KCNH1: variants seen among roughly 807,000 people sequenced by gnomAD.
KCNH1 encodes voltage-gated delayed rectifier potassium channel KCNH1.
In KCNH1, 27 loss-of-function variants were observed where a neutral mutation model predicts 69.2. The observed-to-expected ratio is 0.39, with a 90% CI of 0.29 to 0.54. The LOEUF (loss-of-function observed/expected upper bound fraction) is 0.54. Among genes scored for constraint, KCNH1 ranks in the 20% least tolerant of loss-of-function variants. The pLI, the probability that KCNH1 is intolerant of heterozygous loss-of-function variation, is 0.68. For missense variants in KCNH1, 798 were observed against 1,261.6 expected (o/e 0.63, Z 5.57); for synonymous variants, 456 against 487.7 (o/e 0.93, Z 0.86).
At chr1:210,963,952 A>T (rs1463311903) in intron 6 of KCNH1, among the ~76,000 whole-genome samples, 3 of 152,162 alleles carry the variant, frequency 2.0e-5, no homozygotes, top group Non-Finnish European at 4.4e-5. Flanking sequence ...CACCACAAAG[A>T]TAATCCTTGA....
chr1:211,002,132 G>C (rs1689194694), intron 6 of KCNH1, among the ~76,000 whole-genome samples: 1 of 151,912 alleles, frequency 6.6e-6, no homozygotes. Context: ...TGCACGTTGT[G>C]CACATGTACA....
intron 7 of KCNH1, among the ~76,000 whole-genome samples, chr1:210,906,172 C>T (rs1687098003): frequency 1.3e-5 from 2 of 152,328 alleles, no homozygotes; most frequent in South Asian, 4.1e-4. Context: ...TCATGTGAGT[C>T]TTCTCCCTGC....
chr1:210,949,161 T>C (rs556426742), intron 6 of KCNH1, among the ~76,000 whole-genome samples: 21 of 152,294 alleles, frequency 1.4e-4, no homozygotes, highest in Admixed American at 3.9e-4. Context: ...AAAGATACCA[T>C]GAACTCCCCA....
intron 6 of KCNH1, among the ~76,000 whole-genome samples, chr1:211,006,657 A>ACTT (rs1689292107): frequency 1.3e-5 from 2 of 152,176 alleles, no homozygotes; most frequent in Non-Finnish European, 2.9e-5. Flanking sequence ...ATTAAAAAGC[A>ACTT]TATTTCTGTT....
At position 210,809,422 on chromosome 1, in the gene KCNH1, C is replaced by A. The variant is rs1684652311; in HGVS notation, c.1463-5256G>T. 3.3e-5 allele frequency among the ~76,000 whole-genome samples: 5 copies of A among 152,008 alleles called. 1 individual carries two copies. In the South Asian group the frequency reaches 1.0e-3, roughly 32 times the overall value. ...AGCCAGAAACCAGAAGCAGACACTT[C>A]AAGAGGGAGAAGAATAAGACAAAGA... On this transcript the variant is annotated intron_variant, in intron 7 of 10. Coordinates refer to ENST00000271751, the MANE Select transcript of KCNH1 (RefSeq NM_172362.3).
At chr1:210,943,243 T>G (rs1234675236) in intron 6 of KCNH1, among the ~76,000 whole-genome samples, 1 of 152,168 alleles carries the variant, frequency 6.6e-6, no homozygotes, top group Non-Finnish European at 1.5e-5. Flanking sequence ...CAAACCAGCC[T>G]ACTATTTTCC....
intron 6 of KCNH1, among the ~76,000 whole-genome samples, chr1:210,999,886 G>T (rs939760645): frequency 2.0e-5 from 3 of 152,082 alleles, no homozygotes; most frequent in Non-Finnish European, 2.9e-5. Flanking sequence ...ACATAATCCA[G>T]CATATAAACA....
At chr1:210,704,451 T>C (rs1324842123) in intron 10 of KCNH1, among the ~76,000 whole-genome samples, 1 of 152,172 alleles carries the variant, frequency 6.6e-6, no homozygotes, top group Non-Finnish European at 1.5e-5. Flanking sequence ...CCTGGTCTAG[T>C]GCTCTGTCTT....
intron 7 of KCNH1, among the ~76,000 whole-genome samples, chr1:210,874,808 C>A (rs1488892580): frequency 6.6e-6 from 1 of 152,064 alleles, no homozygotes; most frequent in Non-Finnish European, 1.5e-5. Flanking sequence ...TAGCACAATA[C>A]CTTTTAAGTA....
chr1:210,699,924 C>A (rs1681733253), intron 10 of KCNH1, among the ~76,000 whole-genome samples: 1 of 152,144 alleles, frequency 6.6e-6, no homozygotes, highest in African/African-American at 2.4e-5. Flanking sequence ...TTTTGCCTTC[C>A]TCCTGACCAG....
chr1:210,830,470 C>A (rs573906649), intron 7 of KCNH1, among the ~76,000 whole-genome samples: 120 of 152,228 alleles, frequency 7.9e-4, no homozygotes, highest in African/African-American at 2.8e-3. Context: ...GTTGGAAGAC[C>A]TCAATAAGAC....
intron 7 of KCNH1, among the ~76,000 whole-genome samples, chr1:210,853,747 T>C (rs571105059): frequency 1.3e-5 from 2 of 152,186 alleles, no homozygotes; most frequent in African/African-American, 2.4e-5. Flanking sequence ...ATGGATCCAT[T>C]GTTAGTCCTG....
chr1:210,861,175 C>G (rs1685970971), intron 7 of KCNH1: 1 of 959,994 alleles, frequency 1.0e-6, no homozygotes, highest in African/African-American at 1.6e-5. Flanking sequence ...GGTCTTCTTC[C>G]CAAAGTTCCT....
chr1:210,766,020 G>A (rs1420039090), intron 10 of KCNH1, among the ~76,000 whole-genome samples: 11 of 151,954 alleles, frequency 7.2e-5, no homozygotes, highest in Admixed American at 4.6e-4. Flanking sequence ...CCGAGATCGC[G>A]CCACTGCACC....
chr1:210,755,474 C>T (rs540923333), intron 10 of KCNH1, among the ~76,000 whole-genome samples: 32 of 152,272 alleles, frequency 2.1e-4, no homozygotes, highest in African/African-American at 6.7e-4. Context: ...AGCATAATAG[C>T]GAAACAAAGC....
chr1:210,921,180 T>C lies in KCNH1; in HGVS notation c.1033-1111A>G, dbSNP rs1436021800. Among the ~76,000 whole-genome samples the C allele has an allele frequency of 2.0e-5, 3 of 152,342 alleles. No homozygotes were observed. In the East Asian group the frequency reaches 5.8e-4, roughly 29 times the overall value. On this transcript the variant is annotated intron_variant, in intron 6 of 10. Transcript: ENST00000271751. Reference sequence around the variant, plus strand: ...TATCACCAAAGATAGCTGAAACATATTGCAGAAGCCACATCATTTAAAACC... The same window carrying C: ...TATCACCAAAGATAGCTGAAACATACTGCAGAAGCCACATCATTTAAAACC...
At chr1:210,884,890 C>T (rs1686570117) in intron 7 of KCNH1, among the ~76,000 whole-genome samples, 1 of 152,206 alleles carries the variant, frequency 6.6e-6, no homozygotes, top group African/African-American at 2.4e-5. Context: ...AGAAAGAAGT[C>T]AGTCAATGGC....
intron 10 of KCNH1, among the ~76,000 whole-genome samples, chr1:210,749,630 T>C (rs958278455): frequency 1.3e-5 from 2 of 152,116 alleles, no homozygotes; most frequent in African/African-American, 4.8e-5. Flanking sequence ...AGATTACAGG[T>C]TAAGAGACAC....
At chr1:210,689,243 C>T (rs1395155322) in intron 10 of KCNH1, among the ~76,000 whole-genome samples, 2 of 152,196 alleles carry the variant, frequency 1.3e-5, no homozygotes, top group Admixed American at 6.5e-5. Flanking sequence ...AAAACCAATA[C>T]CCCTGGAATC....
Sources: allele counts gnomAD v4.1 joint callset (sites outside exome capture counted in the v4.1 genomes callset), GRCh38; gene constraint gnomAD v4.1.1; transcripts MANE v1.5; gene names NCBI Gene and HGNC (gene_info 2026-07-23, HGNC 2026-07-21).